Variants in TEAD1 observed in about 807,000 individuals in gnomAD.
The protein encoded by TEAD1 is TEA domain transcription factor 1, also known as transcriptional enhancer factor TEF-1.
TEAD1 carries 9 observed loss-of-function variants against 54.9 expected under a neutral mutation model. The ratio of observed to expected loss-of-function variants is 0.16; its 90% CI spans 0.10 to 0.29. The LOEUF (loss-of-function observed/expected upper bound fraction) is 0.29. Ranked by LOEUF, TEAD1 falls within the 10% of genes least tolerant of loss-of-function variation. The pLI is 1.00. For missense variants in TEAD1, 387 were observed against 535.9 expected, an observed-to-expected ratio of 0.72 and a Z score of 2.74; for synonymous variants, 200 against 187.8, an observed-to-expected ratio of 1.07 and a Z score of -0.53.
intron 2 of TEAD1, among the ~76,000 whole-genome samples, chr11:12,698,611 T>C (rs1404870280): frequency 1.3e-5 from 2 of 152,084 alleles, no homozygotes; most frequent in African/African-American, 4.8e-5. Context: ...CTCTGAAACC[T>C]TACCAGCTGA....
chr11:12,781,983 AG>A lies in TEAD1; in HGVS notation c.202+17550del, dbSNP rs1564937763. ...AAAAAAAAAAAAAAGAAAGAAAAAA[AG>A]AAAAAGAAAAAAAAAATTAGCCAAG... On this transcript the variant is annotated intron_variant, in intron 3 of 12. Coordinates refer to ENST00000527636, the MANE Select transcript of TEAD1 (RefSeq NM_021961.6). Among the ~76,000 whole-genome samples, 121 of 133,842 alleles carry A rather than the reference AG, an allele frequency of 9.0e-4. 4 individuals are homozygous for A. Among genetic ancestry groups the A allele is most frequent in the African/African-American group, 4.3e-3 (110 of 25,344 alleles). The allele number at this position is 133,842 out of a possible 152,430, so 87.8% of individuals were successfully genotyped here. A position where few individuals can be genotyped will look rare whatever the true frequency, so the allele number is the denominator to read the frequency against.
At chr11:12,716,397 T>C (rs928576141) in intron 2 of TEAD1, among the ~76,000 whole-genome samples, 8 of 152,170 alleles carry the variant, frequency 5.3e-5, no homozygotes, top group Non-Finnish European at 8.8e-5. Context: ...CCCCCCTCCA[T>C]TGAGGGACCT....
intron 2 of TEAD1, among the ~76,000 whole-genome samples, chr11:12,753,726 CGAGTTCT>C (rs1944926298): frequency 6.6e-6 from 1 of 152,088 alleles, no homozygotes; most frequent in African/African-American, 2.4e-5. Flanking sequence ...TTCAAGAAAG[CGAGTTCT>C]GAGTTGTGAT....
chr11:12,717,989 A>G (rs1944100690), intron 2 of TEAD1, among the ~76,000 whole-genome samples: 1 of 152,250 alleles, frequency 6.6e-6, no homozygotes, highest in Non-Finnish European at 1.5e-5. Context: ...TGTCTGGCTC[A>G]TAGTGAGCAG....
intron 3 of TEAD1, among the ~76,000 whole-genome samples, chr11:12,794,377 A>G (rs546191697): frequency 1.3e-5 from 2 of 152,364 alleles, no homozygotes; most frequent in Admixed American, 6.5e-5. Flanking sequence ...GCTTAAGAGC[A>G]GGTACATTCT....
intron 10 of TEAD1, among the ~76,000 whole-genome samples, chr11:12,915,006 C>A (rs529430301): frequency 2.6e-5 from 4 of 152,326 alleles, no homozygotes; most frequent in Admixed American, 6.5e-5. Flanking sequence ...TTTTAAAATG[C>A]CAGCGTCTCG....
chr11:12,724,302 C>T (rs1331474033), intron 2 of TEAD1, among the ~76,000 whole-genome samples: 1 of 152,228 alleles, frequency 6.6e-6, no homozygotes. Context: ...GGTCTATGTA[C>T]ATAAAGTAGA....
intron 3 of TEAD1, among the ~76,000 whole-genome samples, chr11:12,816,977 A>T (rs1946429029): frequency 6.6e-6 from 1 of 152,156 alleles, no homozygotes; most frequent in Admixed American, 6.5e-5. Flanking sequence ...TCCATGTGTG[A>T]TGCAGCGTTC....
intron 2 of TEAD1, among the ~76,000 whole-genome samples, chr11:12,702,979 C>G (rs1441151211): frequency 2.0e-5 from 3 of 152,190 alleles, no homozygotes; most frequent in Admixed American, 2.0e-4. Flanking sequence ...TCCAAAACTG[C>G]ACAGTTCTTA....
chr11:12,684,374 C>T (rs1590049257), intron 2 of TEAD1, among the ~76,000 whole-genome samples: 1 of 152,328 alleles, frequency 6.6e-6, no homozygotes, highest in Non-Finnish European at 1.5e-5. Context: ...TGCTTGAAAG[C>T]CACACTCCTA....
At chr11:12,877,463 G>A (rs1428578655) in intron 5 of TEAD1, among the ~76,000 whole-genome samples, 1 of 152,124 alleles carries the variant, frequency 6.6e-6, no homozygotes, top group Non-Finnish European at 1.5e-5. Context: ...GACCAGCCTG[G>A]CCAACATGGT....
intron 2 of TEAD1, among the ~76,000 whole-genome samples, chr11:12,684,133 C>G (rs1021558924): frequency 6.6e-6 from 1 of 152,148 alleles, no homozygotes; most frequent in Non-Finnish European, 1.5e-5. Context: ...TTCCTGGTCT[C>G]AGGCAAACAG....
chr11:12,901,048 TATG>T (rs1333904319), intron 9 of TEAD1, among the ~76,000 whole-genome samples: 4 of 152,300 alleles, frequency 2.6e-5, no homozygotes, highest in African/African-American at 9.6e-5. Flanking sequence ...CTTTAAAAAT[TATG>T]ATGTTTGGCC....
intron 2 of TEAD1, among the ~76,000 whole-genome samples, chr11:12,681,734 A>T (rs1943226368): frequency 6.6e-6 from 1 of 152,234 alleles, no homozygotes; most frequent in African/African-American, 2.4e-5. Context: ...GCATGGGGGA[A>T]GCTAGGGCGA....
At chr11:12,747,100 G>A (rs1196435270) in intron 2 of TEAD1, among the ~76,000 whole-genome samples, 2 of 152,148 alleles carry the variant, frequency 1.3e-5, no homozygotes, top group African/African-American at 4.8e-5. Context: ...GTATGCCTGA[G>A]GCTGTCCTTG....
At chr11:12,697,678 G>A (rs1441222834) in intron 2 of TEAD1, among the ~76,000 whole-genome samples, 1 of 152,188 alleles carries the variant, frequency 6.6e-6, no homozygotes, top group Admixed American at 6.5e-5. Context: ...TGGAAACTCT[G>A]TGCTTTAAAT....
chr11:12,715,944 A>G (rs1944051469), intron 2 of TEAD1, among the ~76,000 whole-genome samples: 1 of 152,052 alleles, frequency 6.6e-6, no homozygotes, highest in Non-Finnish European at 1.5e-5. Context: ...GACCAACAAG[A>G]ACAATCGTAA....
intron 3 of TEAD1, among the ~76,000 whole-genome samples, chr11:12,773,701 T>C (rs951878327): frequency 1.3e-5 from 2 of 152,246 alleles, no homozygotes; most frequent in Non-Finnish European, 2.9e-5. Flanking sequence ...GATTTTCTCC[T>C]TATCTGTAGC....
intron 3 of TEAD1, among the ~76,000 whole-genome samples, chr11:12,809,977 T>C (rs1000570473): frequency 2.9e-4 from 9 of 31,554 alleles, no homozygotes; most frequent in African/African-American, 6.1e-4. Context: ...CCCCATTCTT[T>C]TTTTTTTTTT....
Sources: allele counts gnomAD v4.1 joint callset (sites outside exome capture counted in the v4.1 genomes callset), GRCh38; gene constraint gnomAD v4.1.1; transcripts MANE v1.5; gene names NCBI Gene and HGNC (gene_info 2026-07-23, HGNC 2026-07-21).